SPAG17: variants seen among roughly 807,000 people sequenced by gnomAD.
SPAG17 encodes sperm associated antigen 17.
SPAG17 carries 169 observed loss-of-function variants against 273.6 expected under a neutral mutation model. The observed-to-expected ratio is 0.62, with a 90% CI of 0.55 to 0.70. The LOEUF is 0.70. SPAG17 is among the 30% of genes least tolerant of loss of function. The probability of loss-of-function intolerance (pLI) is 0.00; values close to 1 mark genes in which losing one functional copy is unlikely to be tolerated. For missense variants in SPAG17, 2,557 were observed against 2,627.8 expected (o/e 0.97, Z 0.59); for synonymous variants, 825 against 873.2 (o/e 0.94, Z 0.97).
intron 1 of SPAG17, among the ~76,000 whole-genome samples, chr1:118,184,717 G>A (rs1189348547): frequency 1.3e-5 from 2 of 152,164 alleles, no homozygotes; most frequent in Non-Finnish European, 2.9e-5. Context: ...TCATCCTTTA[G>A]AAGGTTTCAG....
intron 43 of SPAG17, among the ~76,000 whole-genome samples, chr1:117,979,313 T>C (rs1655496017): frequency 6.6e-6 from 1 of 152,176 alleles, no homozygotes; most frequent in Non-Finnish European, 1.5e-5. Flanking sequence ...AAACTACAAA[T>C]TCTCAGCCTC....
chr1:117,985,857 C>G (rs972053604), intron 40 of SPAG17, among the ~76,000 whole-genome samples: 1 of 152,034 alleles, frequency 6.6e-6, no homozygotes, highest in Non-Finnish European at 1.5e-5. Context: ...ATCACATTAC[C>G]AATAAAGGGT....
intron 17 of SPAG17, among the ~76,000 whole-genome samples, chr1:118,070,104 TTTTG>T (rs1265903735): frequency 6.6e-6 from 1 of 152,016 alleles, no homozygotes; most frequent in Non-Finnish European, 1.5e-5. Context: ...AACAGTAACA[TTTTG>T]TTTGTTTTTT....
In SPAG17 at chr1:118,071,143, C is replaced by T. The variant is rs151245950; in HGVS notation, c.2385+2711G>A. 2.6e-5 allele frequency among the ~76,000 whole-genome samples: 4 copies of T among 151,844 alleles called. No individual in the cohort carries two copies. The East Asian group carries it at 7.7e-4, about 29-fold the overall frequency. The stretch of plus-strand genomic sequence containing the variant: ...AACAATGAACTCAGTTATTGACAAC[C>T]CCCCACCCCACCTCATATAGCACTT... On this transcript the variant is annotated intron_variant, in intron 17 of 48. Coordinates refer to ENST00000336338, the MANE Select transcript of SPAG17 (RefSeq NM_206996.4).
At chr1:118,063,904 C>T (rs575754103) in intron 18 of SPAG17, among the ~76,000 whole-genome samples, 297 of 152,224 alleles carry the variant, frequency 2.0e-3, no homozygotes, top group African/African-American at 6.9e-3. Context: ...AAACAAACAA[C>T]CCCATCAAAA....
chr1:118,183,799 T>G (rs1478298199), intron 1 of SPAG17, among the ~76,000 whole-genome samples: 1 of 152,282 alleles, frequency 6.6e-6, no homozygotes, highest in Non-Finnish European at 1.5e-5. Context: ...AAGACCAAAC[T>G]TGGCCTACAC....
At chr1:118,149,528 C>T (rs1659255917) in intron 3 of SPAG17, among the ~76,000 whole-genome samples, 1 of 152,142 alleles carries the variant, frequency 6.6e-6, no homozygotes, top group South Asian at 2.1e-4. Flanking sequence ...AAAAAAGAGA[C>T]AAAGTATATT....
At position 118,074,569 on chromosome 1, in the gene SPAG17, A is replaced by G; in HGVS notation, c.2241T>C (p.Asp747=). Reference sequence around the variant, plus strand: ...CATGAGAATCAGCCTTTGTGACTGCATCATCTTTGATCTCATTGTTTGTGG... The same window carrying G: ...CATGAGAATCAGCCTTTGTGACTGCGTCATCTTTGATCTCATTGTTTGTGG... ...EQTTNNEIKD[D]AVTKADSHEK... The change falls in exon 16 of 49, where the codon GAT becomes GAC. Residue 747 remains aspartate (D), a synonymous_variant. Transcript: ENST00000336338. 6.2e-7 allele frequency: 1 copy of G among 1,613,776 alleles called. No individual in the cohort carries two copies. Among genetic ancestry groups the G allele is most frequent in the Non-Finnish European group, 8.5e-7 (1 of 1,179,814 alleles).
chr1:117,959,236 C>G (rs1385175408), intron 48 of SPAG17: 1 of 1,575,626 alleles, frequency 6.3e-7, no homozygotes, highest in African/African-American at 1.4e-5. Context: ...TCATACGCTG[C>G]TATAATGAAT....
chr1:118,046,768 CT>C (rs1451087828), intron 20 of SPAG17, among the ~76,000 whole-genome samples: 1 of 152,008 alleles, frequency 6.6e-6, no homozygotes, highest in Non-Finnish European at 1.5e-5. Context: ...AAATAGAATT[CT>C]TTTTTTGTGT....
intron 7 of SPAG17, among the ~76,000 whole-genome samples, chr1:118,096,928 A>T (rs1655746386): frequency 6.6e-6 from 1 of 152,170 alleles, no homozygotes; most frequent in South Asian, 2.1e-4. Flanking sequence ...CTTCTTGGCC[A>T]AATATATTAA....
intron 18 of SPAG17, among the ~76,000 whole-genome samples, chr1:118,062,366 C>CAAAAAAAAAAAA (rs56029752): frequency 0.028 from 1,317 of 46,216 alleles, 220 homozygotes; most frequent in African/African-American, 0.13. Context: ...GACTCCATCT[C>CAAAAAAAAAAAA]AAAAAAAAAA....
At chr1:118,003,437 TC>T (rs1658531451) in intron 32 of SPAG17, among the ~76,000 whole-genome samples, 1 of 152,216 alleles carries the variant, frequency 6.6e-6, no homozygotes, top group Non-Finnish European at 1.5e-5. Flanking sequence ...GGTTCCATTC[TC>T]CCCATCACTT....
chr1:118,016,136 G>A lies in SPAG17; in HGVS notation c.4116C>T (p.Ile1372=). The A allele has an allele frequency of 6.2e-7, 1 of 1,614,008 alleles. No individual in the cohort carries two copies. The highest frequency in any genetic ancestry group is 8.5e-7 in the Non-Finnish European group (1 of 1,179,944). The change falls in exon 29 of 49, where the codon ATC becomes ATT. Residue 1372 remains isoleucine, a synonymous_variant. Transcript: ENST00000336338. Reference sequence around the variant, plus strand: ...GAACTGCCTCTGGAGGAGGGTCATGGATTTCACCCTTATGGGCCATTGATG... The same window carrying A: ...GAACTGCCTCTGGAGGAGGGTCATGAATTTCACCCTTATGGGCCATTGATG... ...SQSSMAHKGE[I]HDPPPEAVQT...
intron 35 of SPAG17, among the ~76,000 whole-genome samples, chr1:117,992,889 A>G (rs1657267873): frequency 6.6e-6 from 1 of 152,172 alleles, no homozygotes; most frequent in Non-Finnish European, 1.5e-5. Context: ...ATCCTGTTGC[A>G]TGGTGTCCTG....
chr1:117,992,642 T>G lies in SPAG17; in HGVS notation c.5185A>C (p.Thr1729Pro), dbSNP rs1571173895. ...TGAGTACCAAACGGAGGTCCTGGAGTTTTTTTCTGTTAACAAAACAAAGCA... is the reference window on the plus strand; with the variant it reads ...TGAGTACCAAACGGAGGTCCTGGAGGTTTTTTCTGTTAACAAAACAAAGCA... ...WETFPSVEKK[T>P]PGPPFGTQIW... Residue 1729 changes from threonine (T) to proline (P), a missense_variant, in exon 36 of 49, where the codon ACT (threonine) becomes CCT (proline). Coordinates refer to ENST00000336338, the MANE Select transcript of SPAG17 (RefSeq NM_206996.4). 1 of 1,583,166 alleles carries G rather than the reference T, an allele frequency of 6.3e-7. No homozygotes were observed. The highest frequency in any genetic ancestry group is 8.6e-7 in the Non-Finnish European group (1 of 1,169,182).
chr1:118,139,850 A>G (rs530707690), intron 3 of SPAG17, among the ~76,000 whole-genome samples: 2 of 152,290 alleles, frequency 1.3e-5, no homozygotes, highest in South Asian at 4.1e-4. Context: ...TCCAAAACTC[A>G]TGCTGAAACT....
rs146579452 is a variant in SPAG17 at position 118,033,636 on chromosome 1, T to G, written c.3434-1769A>C. Reference sequence around the variant, plus strand: ...AATATGATCATGTCACCTCCCTTACTTAAAGTCCTCTGCCACTCACTGCCT... The same window carrying G: ...AATATGATCATGTCACCTCCCTTACGTAAAGTCCTCTGCCACTCACTGCCT... On this transcript the variant is annotated intron_variant, in intron 24 of 48. Transcript: ENST00000336338. 1.8e-4 allele frequency among the ~76,000 whole-genome samples: 28 copies of G among 152,344 alleles called. 2 individuals carry two copies. The East Asian group carries it at 5.4e-3, about 29-fold the overall frequency.
chr1:118,111,625 C>T (rs946224338), intron 4 of SPAG17, among the ~76,000 whole-genome samples: 2 of 148,764 alleles, frequency 1.3e-5, no homozygotes, highest in South Asian at 2.1e-4. Flanking sequence ...TCCAGTGTTT[C>T]GGAGTTTGGA....
Sources: gnomAD v4.1 joint callset for allele counts (sites outside exome capture counted in the v4.1 genomes callset) on GRCh38, gnomAD v4.1.1 for gene constraint, MANE v1.5 for transcripts, NCBI Gene and HGNC (gene_info 2026-07-23, HGNC 2026-07-21) for gene names.